Variants in BNIPL observed in about 807,000 individuals in gnomAD.
BNIPL encodes the protein BCL2 interacting protein like.
Under a neutral mutation model 47.0 loss-of-function variants are expected in BNIPL, and 33 were observed. The observed-to-expected ratio is 0.70, with a 90% CI of 0.53 to 0.94. The LOEUF (loss-of-function observed/expected upper bound fraction) is 0.94, where lower values mean the gene tolerates loss of function less well. BNIPL is among the 40% of genes least tolerant of loss of function. The pLI, the probability that BNIPL is intolerant of heterozygous loss-of-function variation, is 0.00. For missense variants in BNIPL, 404 were observed against 445.2 expected, an observed-to-expected ratio of 0.91 and a Z score of 0.83; for synonymous variants, 145 against 162.7, an observed-to-expected ratio of 0.89 and a Z score of 0.83.
intron 9 of BNIPL, 21 bp from the exon 10 acceptor site, chr1:151,046,630 C>G (rs1339429372): frequency 1.3e-6 from 2 of 1,599,244 alleles, no homozygotes. Context: ...CACTTCTCTC[C>G]TCCCCCTCTC....
At position 151,038,395 on chromosome 1, in the gene BNIPL, AG is replaced by A. The variant is rs1225526355; in HGVS notation, c.138-108del. On this transcript the variant is annotated intron_variant, in intron 2 of 9. Coordinates refer to ENST00000368931, the MANE Select transcript of BNIPL (RefSeq NM_138278.4). Reference sequence around the variant, plus strand: ...TCTCAAAAAAACAATTAAAAAAAAAAGCAGCATAGGTGATAAAATCATGGTG... The same window carrying A: ...TCTCAAAAAAACAATTAAAAAAAAAACAGCATAGGTGATAAAATCATGGTG... 1.6e-5 allele frequency: 13 copies of A among 830,612 alleles called. No individual in the cohort carries two copies. In the Admixed American group the frequency reaches 2.7e-4, roughly 17 times the overall value. The allele number at this position is 830,612 out of a possible 1,614,324, so 51.5% of individuals were successfully genotyped here.
Position 151,036,738 on chromosome 1 carries a change from C to A in BNIPL, c.13C>A (p.Gln5Lys), listed in dbSNP as rs1228186198. MGTI[Q>K]EAGKKTDVGV... ...AAGACTTGTGAAGATGGGAACTATACAAGAGGCAGGAAAAAAGACAGATGT... is the reference window on the plus strand; with the variant it reads ...AAGACTTGTGAAGATGGGAACTATAAAAGAGGCAGGAAAAAAGACAGATGT... Residue 5 changes from glutamine to lysine, a missense_variant, in exon 1 of 10, where the codon CAA becomes AAA. By Grantham distance (53) the Gln-to-Lys change is moderately conservative. Coordinates refer to ENST00000368931, the MANE Select transcript of BNIPL (RefSeq NM_138278.4). 6.2e-7 allele frequency: 1 copy of A among 1,611,260 alleles called. No homozygotes were observed. Among genetic ancestry groups the A allele is most frequent in the Admixed American group, 1.7e-5 (1 of 59,960 alleles).
intron 1 of BNIPL, 34 bp downstream of exon 1, chr1:151,036,800 A>G: frequency 6.3e-7 from 1 of 1,581,980 alleles, no homozygotes; most frequent in Admixed American, 1.7e-5. Flanking sequence ...GATTGGTAAC[A>G]GTGAATAAAC....
intron 3 of BNIPL, 100 bp from the exon 4 acceptor site, chr1:151,038,696 C>A: frequency 6.4e-7 from 1 of 1,559,608 alleles, no homozygotes. Flanking sequence ...CCTTCTTCAG[C>A]ATTCACCCCA....
intron 9 of BNIPL, 123 bp downstream of exon 9, chr1:151,046,288 T>G: frequency 6.9e-7 from 1 of 1,441,120 alleles, no homozygotes; most frequent in Admixed American, 2.6e-5. Flanking sequence ...TTCGGGTGCT[T>G]TAATGTATAT....
Position 151,047,055 on chromosome 1 carries a change from T to C in BNIPL, c.*368T>C, listed in dbSNP as rs895145421. The C allele has an allele frequency of 3.8e-4, 63 of 165,120 alleles. No homozygotes were observed. The highest frequency in any genetic ancestry group is 2.6e-3 in the Middle Eastern group (1 of 386). The allele number at this position is 165,120 out of a possible 1,614,324, so 10.2% of individuals were successfully genotyped here. A position where few individuals can be genotyped will look rare whatever the true frequency, so the allele number is the denominator to read the frequency against. On this transcript the variant is annotated 3_prime_UTR_variant, in exon 10 of 10. Coordinates refer to ENST00000368931, the MANE Select transcript of BNIPL (RefSeq NM_138278.4). ...GCTCACTGCAACCTCCGCCTCCCGG[T>C]TCAAGCCATTCTTCTGCCTCAGCCT...
Position 151,045,886 on chromosome 1 carries a change from A to C in BNIPL, c.938+3A>C. Reference sequence around the variant, plus strand: ...GCACTGCTTCGGCCCTTCATCAGGTACTAGTTCTAGGAACAAGGACTCCTT... The same window carrying C: ...GCACTGCTTCGGCCCTTCATCAGGTCCTAGTTCTAGGAACAAGGACTCCTT... On this transcript the variant is annotated splice_donor_region_variant and intron_variant, in intron 8 of 9. Coordinates refer to ENST00000368931, the MANE Select transcript of BNIPL (RefSeq NM_138278.4). 6.2e-7 allele frequency: 1 copy of C among 1,614,158 alleles called. No homozygotes were observed. The highest frequency in any genetic ancestry group is 8.5e-7 in the Non-Finnish European group (1 of 1,180,018).
intron 4 of BNIPL, among the ~76,000 whole-genome samples, chr1:151,042,750 GT>G (rs1675870704): frequency 6.6e-6 from 1 of 151,712 alleles, no homozygotes; most frequent in African/African-American, 2.4e-5. Context: ...GGAAGTGGAG[GT>G]TGCAGTGAGC....
chr1:151,042,832 AAAG>A, intron 4 of BNIPL, 121 bp from the exon 5 acceptor site: 1 of 868,498 alleles, frequency 1.2e-6, no homozygotes, highest in Non-Finnish European at 1.7e-6. Context: ...GGAAAAAAAA[AAAG>A]AATCAAGGAA....
intron 1 of BNIPL, among the ~76,000 whole-genome samples, chr1:151,037,129 C>G (rs1675633461): frequency 6.6e-6 from 1 of 152,176 alleles, no homozygotes; most frequent in Non-Finnish European, 1.5e-5. Context: ...GCAAATCTTT[C>G]TCCTTACCTT....
At chr1:151,043,179 C>T (rs755592638) in intron 5 of BNIPL, 41 bp downstream of exon 5, 1 of 1,585,282 alleles carries the variant, frequency 6.3e-7, no homozygotes, top group Non-Finnish European at 8.7e-7. Flanking sequence ...GCTATGGCTT[C>T]TTAATAAAAT....
chr1:151,038,435 T>C, intron 2 of BNIPL, 69 bp from the exon 3 acceptor site: 1 of 1,142,024 alleles, frequency 8.8e-7, no homozygotes, highest in Non-Finnish European at 1.3e-6. Flanking sequence ...AGAGAGAACC[T>C]ATATATTGAG....
intron 3 of BNIPL, 114 bp downstream of exon 3, chr1:151,038,682 G>A: frequency 6.4e-7 from 1 of 1,572,928 alleles, no homozygotes; most frequent in South Asian, 1.2e-5. Flanking sequence ...TCCCCTGCGT[G>A]AGTCCTTCTT....
chr1:151,045,132 G>C (rs1675963817), intron 7 of BNIPL: 1 of 286,618 alleles, frequency 3.5e-6, no homozygotes, highest in South Asian at 4.2e-5. Context: ...GCTGGGCATG[G>C]TGGCATGTGC....
At chr1:151,043,471 T>C in intron 6 of BNIPL, 37 bp downstream of exon 6, 1 of 1,561,132 alleles carries the variant, frequency 6.4e-7, no homozygotes, top group Non-Finnish European at 8.8e-7. Context: ...AGGGCAGTGT[T>C]AGGGAGGGAA....
chr1:151,043,139 G>A lies in BNIPL; in HGVS notation c.616+1G>A, dbSNP rs777023328. On this transcript the variant is annotated splice_donor_variant, in intron 5 of 9. Transcript: ENST00000368931. LOFTEE classifies it high-confidence loss of function. The stretch of plus-strand genomic sequence containing the variant: ...TATAAGAAAGTCCTGTCTCATGGAG[G>A]TAATGGCTAGCATAATGCAGGTGTT... 43 of 1,610,644 alleles carry A rather than the reference G, an allele frequency of 2.7e-5. No individual in the cohort carries two copies. In the Admixed American group the frequency reaches 7.2e-4, roughly 27 times the overall value.
chr1:151,043,407 A>G lies in BNIPL; in HGVS notation c.692A>G (p.Tyr231Cys). 6.2e-7 allele frequency: 1 copy of G among 1,607,832 alleles called. No individual in the cohort carries two copies. Among genetic ancestry groups the G allele is most frequent in the Non-Finnish European group, 8.5e-7 (1 of 1,174,410 alleles). Residue 231 changes from tyrosine (Y) to cysteine (C), a missense_variant, in exon 6 of 10, where the codon TAC (tyrosine) becomes TGC (cysteine). Tyr to Cys is a radical substitution (Grantham distance 194, BLOSUM62 -2). Transcript: ENST00000368931. ...CTACCCAGAAGCAGCATCCCCAACT[A>G]CACCTATGTCATGGAACACTTGTTT... ...CYLPRSSIPNYTYVMEHLFRY... is the reference protein window; with the variant it reads ...CYLPRSSIPNCTYVMEHLFRY...
chr1:151,044,893 ATCTT>A, intron 7 of BNIPL: 1 of 1,289,114 alleles, frequency 7.8e-7, no homozygotes, highest in Non-Finnish European at 1.0e-6. Context: ...TTTATAAGTA[ATCTT>A]GGTCATGGAG....
At chr1:151,042,671 G>C (rs1392041273) in intron 4 of BNIPL, among the ~76,000 whole-genome samples, 1 of 151,930 alleles carries the variant, frequency 6.6e-6, no homozygotes, top group Admixed American at 6.6e-5. Flanking sequence ...AAAATTAGCT[G>C]GGCATGGTGG....
Sources: gnomAD v4.1 joint callset for allele counts (sites outside exome capture counted in the v4.1 genomes callset) on GRCh38, gnomAD v4.1.1 for gene constraint, MANE v1.5 for transcripts, NCBI Gene and HGNC (gene_info 2026-07-23, HGNC 2026-07-21) for gene names.